The following SLC25A12 variants were observed in gnomAD, a reference collection of about 807,000 sequenced individuals.
SLC25A12 encodes the protein solute carrier family 25 member 12.
SLC25A12 carries 32 observed loss-of-function variants against 83.3 expected under a neutral mutation model. The ratio of observed to expected loss-of-function variants is 0.38; its 90% CI spans 0.29 to 0.52. SLC25A12 has a LOEUF of 0.52. SLC25A12 is among the 20% of genes least tolerant of loss of function. The pLI is 0.84. For missense variants in SLC25A12, 611 were observed against 835.6 expected, an observed-to-expected ratio of 0.73 and a Z score of 3.31; for synonymous variants, 267 against 291.1, an observed-to-expected ratio of 0.92 and a Z score of 0.84.
Position 171,824,570 on chromosome 2 carries a change from G to A in SLC25A12, c.930+2228C>T, listed in dbSNP as rs1329407235. On this transcript the variant is annotated intron_variant, in intron 9 of 17. Transcript: ENST00000422440. ...ACTGCAAAATATCTTCTTTTGAAATGCAATTTTTCAAAATTCAAGAGCAAA... is the reference window on the plus strand; with the variant it reads ...ACTGCAAAATATCTTCTTTTGAAATACAATTTTTCAAAATTCAAGAGCAAA... Among the ~76,000 whole-genome samples the A allele has an allele frequency of 4.7e-4, 71 of 152,138 alleles. 1 individual carries two copies. Among genetic ancestry groups the A allele is most frequent in the Admixed American group, 4.6e-3 (71 of 15,276 alleles).
chr2:171,827,090 A>C lies in SLC25A12; in HGVS notation c.846-208T>G, dbSNP rs577993885. On this transcript the variant is annotated intron_variant, in intron 8 of 17. Coordinates refer to ENST00000422440, the MANE Select transcript of SLC25A12 (RefSeq NM_003705.5). ...AAAAGACTCCAGAGAAATAATGTGG[A>C]GTGCATGAATTTGGTAAGACTCCAG... Among the ~76,000 whole-genome samples, 33 of 152,336 alleles carry C rather than the reference A, an allele frequency of 2.2e-4. No individual in the cohort carries two copies. The South Asian group carries it at 6.2e-3, about 29-fold the overall frequency.
At position 171,868,963 on chromosome 2, in the gene SLC25A12, T is replaced by A. The variant is rs1685403211; in HGVS notation, c.67-140A>T. On this transcript the variant is annotated intron_variant, in intron 2 of 17. Transcript: ENST00000422440. ...AATAAATGCAGAATTTTTCTCTGGA[T>A]ACCGAAAAATCAAATATTCAGAGCC... 7 of 755,490 alleles carry A rather than the reference T, an allele frequency of 9.3e-6. No individual in the cohort carries two copies. The South Asian group carries it at 1.2e-4, about 13-fold the overall frequency. 46.8% of individuals were successfully genotyped at this position (755,490 alleles called of 1,614,324 possible).
intron 2 of SLC25A12, among the ~76,000 whole-genome samples, chr2:171,882,981 C>CTG (rs1203477982): frequency 3.9e-5 from 6 of 152,190 alleles, no homozygotes; most frequent in African/African-American, 1.4e-4. Flanking sequence ...CAGCCTTAGA[C>CTG]TGTGACTATA....
At chr2:171,836,973 C>A in intron 6 of SLC25A12, 148 bp downstream of exon 6, 1 of 717,082 alleles carries the variant, frequency 1.4e-6, no homozygotes, top group South Asian at 1.6e-5. Flanking sequence ...CACACACACA[C>A]ACACACACAC....
At chr2:171,802,955 G>A (rs1683740035) in intron 13 of SLC25A12, among the ~76,000 whole-genome samples, 1 of 143,160 alleles carries the variant, frequency 7.0e-6, no homozygotes, top group African/African-American at 2.7e-5. Flanking sequence ...CTTCCATCTG[G>A]TTTTAAAAAG....
chr2:171,850,927 G>A (rs989832056), intron 4 of SLC25A12, among the ~76,000 whole-genome samples: 3 of 152,168 alleles, frequency 2.0e-5, no homozygotes, highest in African/African-American at 7.2e-5. Flanking sequence ...GCCTATTTCA[G>A]AGGCACAAAT....
chr2:171,791,255 G>A (rs756038224), intron 15 of SLC25A12, among the ~76,000 whole-genome samples, 196 bp downstream of exon 15: 1 of 152,156 alleles, frequency 6.6e-6, no homozygotes, highest in Non-Finnish European at 1.5e-5. Context: ...GCATTAAGCT[G>A]TTTATCCACA....
chr2:171,834,626 T>G, intron 7 of SLC25A12, 101 bp downstream of exon 7: 1 of 1,328,678 alleles, frequency 7.5e-7, no homozygotes, highest in Non-Finnish European at 1.1e-6. Flanking sequence ...ACATACTTTC[T>G]AGATCTGGCT....
chr2:171,882,157 T>A (rs890160446), intron 2 of SLC25A12, among the ~76,000 whole-genome samples: 1 of 152,194 alleles, frequency 6.6e-6, no homozygotes, highest in Admixed American at 6.5e-5. Context: ...CAATCCCTTA[T>A]ATGCTATACA....
At chr2:171,848,369 C>T (rs1684843737) in intron 4 of SLC25A12, 4 of 444,430 alleles carry the variant, frequency 9.0e-6, no homozygotes, top group South Asian at 6.5e-5. Flanking sequence ...CCAGCAGGAG[C>T]CACTACAACC....
At chr2:171,858,514 T>C (rs1338494864) in intron 3 of SLC25A12, among the ~76,000 whole-genome samples, 3 of 152,216 alleles carry the variant, frequency 2.0e-5, no homozygotes, top group Non-Finnish European at 4.4e-5. Context: ...CTTCTATATT[T>C]ATGAGAAGAG....
chr2:171,859,115 T>G (rs534966295), intron 3 of SLC25A12, among the ~76,000 whole-genome samples: 5 of 152,282 alleles, frequency 3.3e-5, no homozygotes, highest in Admixed American at 1.3e-4. Flanking sequence ...TCCTAACCCT[T>G]TCCCAATTTT....
At chr2:171,847,773 T>G (rs574157379) in intron 4 of SLC25A12, among the ~76,000 whole-genome samples, 2 of 152,316 alleles carry the variant, frequency 1.3e-5, no homozygotes, top group Admixed American at 1.3e-4. Context: ...CTTTTTCACT[T>G]CCTGCAGAGC....
chr2:171,882,336 G>A (rs1685713168), intron 2 of SLC25A12, among the ~76,000 whole-genome samples: 1 of 152,156 alleles, frequency 6.6e-6, no homozygotes, highest in South Asian at 2.1e-4. Context: ...AACCAGATCT[G>A]GCCAATGAGA....
At chr2:171,874,399 AAAAAAAG>A (rs1411856871) in intron 2 of SLC25A12, among the ~76,000 whole-genome samples, 2 of 152,152 alleles carry the variant, frequency 1.3e-5, no homozygotes, top group African/African-American at 4.8e-5. Flanking sequence ...TCTCAAATTT[AAAAAAAG>A]AAAAAAGAAA....
chr2:171,881,721 GA>G (rs1009265454), intron 2 of SLC25A12, among the ~76,000 whole-genome samples: 20 of 152,168 alleles, frequency 1.3e-4, no homozygotes, highest in African/African-American at 4.1e-4. Flanking sequence ...TAAAAACAGG[GA>G]TACCTTATTC....
intron 2 of SLC25A12, among the ~76,000 whole-genome samples, chr2:171,880,587 A>G (rs577919968): frequency 2.4e-4 from 36 of 152,232 alleles, no homozygotes; most frequent in African/African-American, 8.2e-4. Flanking sequence ...TTAGATTAAG[A>G]GGGTACATGT....
intron 14 of SLC25A12, among the ~76,000 whole-genome samples, chr2:171,791,893 T>C (rs113084839): frequency 2.0e-5 from 3 of 152,172 alleles, no homozygotes; most frequent in Admixed American, 1.3e-4. Flanking sequence ...ATTTCTTATA[T>C]AGATTCAGAG....
At chr2:171,857,957 A>C (rs1355515157) in intron 3 of SLC25A12, among the ~76,000 whole-genome samples, 2 of 152,120 alleles carry the variant, frequency 1.3e-5, no homozygotes, top group Non-Finnish European at 2.9e-5. Context: ...GGAAACTCAT[A>C]TGTTGGGTTT....
Sources: allele counts gnomAD v4.1 joint callset (sites outside exome capture counted in the v4.1 genomes callset), GRCh38; gene constraint gnomAD v4.1.1; transcripts MANE v1.5; gene names NCBI Gene and HGNC (gene_info 2026-07-23, HGNC 2026-07-21).